Variants in FMN1 observed in about 807,000 individuals in gnomAD.
FMN1 encodes the protein formin 1.
In FMN1, 110 loss-of-function variants were observed where a neutral mutation model predicts 132.4. The ratio of observed to expected loss-of-function variants is 0.83; its 90% CI spans 0.71 to 0.97. FMN1 has a LOEUF of 0.97. FMN1 is among the 50% of genes least tolerant of loss of function. The pLI is 0.00. For synonymous variants in FMN1, 722 were observed against 651.7 expected (o/e 1.11, Z -1.64); for missense variants, 1,792 against 1,705.3 (o/e 1.05, Z -0.90).
intron 17 of FMN1, among the ~76,000 whole-genome samples, chr15:32,813,403 T>C (rs2057953108): frequency 6.6e-6 from 1 of 152,218 alleles, no homozygotes; most frequent in Admixed American, 6.5e-5. Context: ...ACCCACACTT[T>C]TTCAGAAGTA....
At chr15:33,109,974 C>T (rs1355811249) in intron 4 of FMN1, among the ~76,000 whole-genome samples, 1 of 152,010 alleles carries the variant, frequency 6.6e-6, no homozygotes, top group African/African-American at 2.4e-5. Context: ...CAACTGGACA[C>T]AGCAAGTTCC....
chr15:33,147,940 A>T (rs2140269401), intron 4 of FMN1, among the ~76,000 whole-genome samples: 1 of 152,334 alleles, frequency 6.6e-6, no homozygotes. Flanking sequence ...TTTTTGAAAA[A>T]AAAAATATTG....
chr15:32,794,382 CCA>C (rs1320969834), intron 19 of FMN1, among the ~76,000 whole-genome samples: 4 of 151,874 alleles, frequency 2.6e-5, no homozygotes, highest in African/African-American at 9.7e-5. Flanking sequence ...AATTATATGC[CCA>C]GACTTTATTC....
In FMN1 at chr15:32,958,230, T is replaced by C. The variant is rs139879471; in HGVS notation, c.3138+5877A>G. Among the ~76,000 whole-genome samples the C allele has an allele frequency of 2.8e-4, 42 of 152,236 alleles. No individual in the cohort carries two copies. The East Asian group carries it at 8.1e-3, about 29-fold the overall frequency. On this transcript the variant is annotated intron_variant, in intron 9 of 20. Transcript: ENST00000616417. ...TTGGATATGCAGAAGTGTGGCTATA[T>C]TTTGTTGATGTTTTTAATAATGGCT...
chr15:32,965,943 C>T (rs746968528), intron 8 of FMN1, among the ~76,000 whole-genome samples: 1 of 152,124 alleles, frequency 6.6e-6, no homozygotes, highest in Admixed American at 6.6e-5. Flanking sequence ...GAAGCATAAG[C>T]ACCACGGATG....
chr15:32,907,071 A>G (rs566434), intron 12 of FMN1, among the ~76,000 whole-genome samples: 3,562 of 152,174 alleles, frequency 0.023, 139 homozygotes, highest in African/African-American at 0.082. Context: ...GCTGTGCCCA[A>G]CCTTTTTAGC....
intron 5 of FMN1, among the ~76,000 whole-genome samples, chr15:33,076,029 T>TAGAGGAC (rs917057002): frequency 2.6e-5 from 4 of 152,142 alleles, no homozygotes; most frequent in African/African-American, 9.7e-5. Flanking sequence ...TCAAAGGTCC[T>TAGAGGAC]CTAGAAATGG....
At chr15:33,019,154 G>A (rs1451327999) in intron 6 of FMN1, among the ~76,000 whole-genome samples, 1 of 152,180 alleles carries the variant, frequency 6.6e-6, no homozygotes, top group Admixed American at 6.5e-5. Flanking sequence ...GTTTTACAGA[G>A]AGCTGATTGG....
chr15:33,072,441 T>G (rs2038035478), intron 5 of FMN1, among the ~76,000 whole-genome samples: 1 of 151,936 alleles, frequency 6.6e-6, no homozygotes, highest in Non-Finnish European at 1.5e-5. Context: ...GAGAAATAGG[T>G]AGCATTTGAC....
intron 3 of FMN1, among the ~76,000 whole-genome samples, chr15:33,156,904 T>C (rs965063832): frequency 6.6e-5 from 10 of 152,190 alleles, no homozygotes; most frequent in African/African-American, 2.4e-4. Context: ...CATTTTCCTC[T>C]AGCTGTTCTC....
At chr15:33,099,496 T>C (rs2039212620) in intron 4 of FMN1, among the ~76,000 whole-genome samples, 1 of 146,968 alleles carries the variant, frequency 6.8e-6, no homozygotes, top group South Asian at 2.1e-4. Context: ...CAGTATAATC[T>C]TTTGAGAGCT....
At chr15:32,880,974 T>C (rs1312915355) in intron 16 of FMN1, among the ~76,000 whole-genome samples, 1 of 152,214 alleles carries the variant, frequency 6.6e-6, no homozygotes. Context: ...TTTTGTCTCC[T>C]AAATCCTAGT....
At chr15:33,053,127 C>A (rs376422936) in intron 6 of FMN1, among the ~76,000 whole-genome samples, 4 of 152,164 alleles carry the variant, frequency 2.6e-5, no homozygotes, top group African/African-American at 7.2e-5. Flanking sequence ...GCTTGGGACC[C>A]ACTGAGTGCA....
chr15:32,809,652 TTC>T (rs1340838367), intron 17 of FMN1, among the ~76,000 whole-genome samples: 1 of 152,136 alleles, frequency 6.6e-6, no homozygotes, highest in Admixed American at 6.5e-5. Flanking sequence ...TTTGAATGTC[TTC>T]TCTTTCTTTG....
chr15:33,088,204 TG>T (rs1308230857), intron 5 of FMN1, among the ~76,000 whole-genome samples: 1 of 152,040 alleles, frequency 6.6e-6, no homozygotes, highest in Non-Finnish European at 1.5e-5. Context: ...AAAAACCTAT[TG>T]AAATTAAAAA....
At chr15:32,963,061 T>C (rs1596353450) in intron 9 of FMN1, among the ~76,000 whole-genome samples, 1 of 146,584 alleles carries the variant, frequency 6.8e-6, no homozygotes, top group Admixed American at 6.7e-5. Context: ...TATTGTGGCA[T>C]TATTCACAAT....
intron 7 of FMN1, among the ~76,000 whole-genome samples, chr15:32,996,154 A>G (rs1043621754): frequency 2.0e-5 from 3 of 152,248 alleles, no homozygotes; most frequent in Admixed American, 6.5e-5. Context: ...CTATCCCAAC[A>G]GTTGTAATCA....
intron 6 of FMN1, among the ~76,000 whole-genome samples, chr15:33,055,707 T>C (rs954109082): frequency 2.6e-5 from 4 of 152,090 alleles, no homozygotes; most frequent in African/African-American, 4.8e-5. Flanking sequence ...AAAATATATG[T>C]ATTTTCATGA....
intron 5 of FMN1, among the ~76,000 whole-genome samples, chr15:33,080,008 C>T (rs567608358): frequency 6.6e-6 from 1 of 152,310 alleles, no homozygotes; most frequent in South Asian, 2.1e-4. Flanking sequence ...CTTACACATA[C>T]ACACTGACAT....
Sources: gnomAD v4.1 joint callset for allele counts (sites outside exome capture counted in the v4.1 genomes callset) on GRCh38, gnomAD v4.1.1 for gene constraint, MANE v1.5 for transcripts, NCBI Gene and HGNC (gene_info 2026-07-23, HGNC 2026-07-21) for gene names.